Variants in TACC2 observed in about 807,000 individuals in gnomAD.
TACC2 encodes transforming acidic coiled-coil containing protein 2, also known as transforming acidic coiled-coil-containing protein 2.
Under a neutral mutation model 227.3 loss-of-function variants are expected in TACC2, and 137 were observed. The ratio of observed to expected loss-of-function variants is 0.60; its 90% CI spans 0.52 to 0.69. TACC2 has a LOEUF of 0.69. Among genes scored for constraint, TACC2 ranks in the 30% least tolerant of loss-of-function variants. The pLI is 0.00. For missense variants in TACC2, 3,470 were observed against 3,694.4 expected (o/e 0.94, Z 1.57); for synonymous variants, 1,523 against 1,487.5 (o/e 1.02, Z -0.55).
chr10:122,208,873 CT>C (rs2095214853), intron 8 of TACC2, among the ~76,000 whole-genome samples: 1 of 152,178 alleles, frequency 6.6e-6, no homozygotes, highest in South Asian at 2.1e-4. Context: ...CGTGTTTGCC[CT>C]CTTGTCCAAT....
chr10:122,163,189 C>T (rs528195494), intron 7 of TACC2, among the ~76,000 whole-genome samples: 3 of 152,138 alleles, frequency 2.0e-5, no homozygotes, highest in African/African-American at 7.2e-5. Context: ...AAAGGGCGCA[C>T]GTCTCTCCCA....
rs191565667 is a variant in TACC2 at position 122,003,306 on chromosome 10, T to G, written c.-46+13818T>G. On this transcript the variant is annotated intron_variant, in intron 1 of 22. Transcript: ENST00000369005. ...TGCCTTTAACTTTATTTTTTCTTCTTTGTGCTTTTCTTAGTTTACTTTGTT... is the reference window on the plus strand; with the variant it reads ...TGCCTTTAACTTTATTTTTTCTTCTGTGTGCTTTTCTTAGTTTACTTTGTT... Among the ~76,000 whole-genome samples, 33 of 152,320 alleles carry G rather than the reference T, an allele frequency of 2.2e-4. No individual in the cohort carries two copies. In the East Asian group the frequency reaches 6.0e-3, roughly 28 times the overall value.
intron 8 of TACC2, among the ~76,000 whole-genome samples, chr10:122,203,559 G>A (rs1335677295): frequency 1.3e-5 from 2 of 151,932 alleles, no homozygotes; most frequent in African/African-American, 4.8e-5. Flanking sequence ...CATCCCGGAT[G>A]GGGCGGCAGG....
intron 8 of TACC2, among the ~76,000 whole-genome samples, chr10:122,198,205 T>C (rs4752668): frequency 0.66 from 100,694 of 152,082 alleles, 34,410 homozygotes; most frequent in East Asian, 0.84. Context: ...AGCAGTCCCA[T>C]GAGCCTGTCC....
Position 122,171,539 on chromosome 10 carries a change from C to A in TACC2, c.5835-23501C>A, listed in dbSNP as rs550490350. Among the ~76,000 whole-genome samples the A allele has an allele frequency of 7.9e-5, 12 of 152,344 alleles. No homozygotes were observed. The South Asian group carries it at 2.5e-3, about 32-fold the overall frequency. On this transcript the variant is annotated intron_variant, in intron 7 of 22. Coordinates refer to ENST00000369005, the MANE Select transcript of TACC2 (RefSeq NM_206862.4). ...GTTCCAGAGTCTGCGGATGTTAGAA[C>A]TGGAAACATCAGGATTTTAGAAATA...
rs769496601 is a variant in TACC2, at chr10:122,210,417, C to T, written c.5992C>T (p.Pro1998Ser). 7 of 1,613,952 alleles carry T rather than the reference C, an allele frequency of 4.3e-6. No individual in the cohort carries two copies. Among genetic ancestry groups the T allele is most frequent in the Middle Eastern group, 3.3e-4 (2 of 6,060 alleles). Residue 1998 changes from proline to serine, a missense_variant, in exon 9 of 23, where the codon CCT (proline) becomes TCT (serine). Coordinates refer to ENST00000369005, the MANE Select transcript of TACC2 (RefSeq NM_206862.4). This position sits in a 1 kb window ranked among gnomAD's most constrained non-coding sequence, Gnocchi z 4.6. ...CCCAGGATGTGGTTCTGAGACAGTCCCTGTCCCTGATGGCCCACGGAGCGA... is the reference window on the plus strand; with the variant it reads ...CCCAGGATGTGGTTCTGAGACAGTCTCTGTCCCTGATGGCCCACGGAGCGA... ...EEPGCGSETV[P>S]VPDGPRSDSV...
At chr10:122,096,758 G>A (rs564463047) in intron 5 of TACC2, among the ~76,000 whole-genome samples, 1 of 151,628 alleles carries the variant, frequency 6.6e-6, no homozygotes, top group African/African-American at 2.4e-5. Flanking sequence ...GGGCAGACAT[G>A]TGGTTTTTCC....
Position 122,211,682 on chromosome 10 carries a change from C to G in TACC2, c.7257C>G (p.Ala2419=). Residue 2419 remains alanine, a synonymous_variant, in exon 9 of 23, where the codon GCC becomes GCG. Coordinates refer to ENST00000369005, the MANE Select transcript of TACC2 (RefSeq NM_206862.4). ...ACGGGGATGGGCTAAACAAGCCCGC[C>G]AAGAAGAAGAAGACGCCCCTAAAGA... ...GVDGDGLNKP[A]KKKKTPLKTD... is the part of the protein sequence containing the mutation. 6.4e-7 allele frequency: 1 copy of G among 1,564,448 alleles called. No individual in the cohort carries two copies. Among genetic ancestry groups the G allele is most frequent in the Non-Finnish European group, 8.6e-7 (1 of 1,162,256 alleles).
intron 8 of TACC2, among the ~76,000 whole-genome samples, chr10:122,201,118 C>T (rs113618755): frequency 1.0e-4 from 14 of 140,112 alleles, no homozygotes; most frequent in Non-Finnish European, 1.9e-4. Flanking sequence ...AGTGAGAGGA[C>T]GGCCACCTCA....
chr10:122,155,109 G>A (rs1413197800), intron 7 of TACC2, among the ~76,000 whole-genome samples: 1 of 152,222 alleles, frequency 6.6e-6, no homozygotes, highest in Non-Finnish European at 1.5e-5. Flanking sequence ...GAAGGACGGA[G>A]AGGCAGGGAA....
chr10:122,237,069 C>A (rs2095870942), intron 16 of TACC2, among the ~76,000 whole-genome samples: 1 of 152,196 alleles, frequency 6.6e-6, no homozygotes, highest in Non-Finnish European at 1.5e-5. Context: ...GCCCTGGGTT[C>A]TCAGGCGCTG....
rs1414893320 is a variant in TACC2, at chr10:122,012,817, A to G, written c.-45-9120A>G. On this transcript the variant is annotated intron_variant, in intron 1 of 22. Coordinates refer to ENST00000369005, the MANE Select transcript of TACC2 (RefSeq NM_206862.4). ...GAGCTGGCATCCTTGAGGGAGCACCATGTGGGGGTGCTGCAGGAATCAGTA... is the reference window on the plus strand; with the variant it reads ...GAGCTGGCATCCTTGAGGGAGCACCGTGTGGGGGTGCTGCAGGAATCAGTA... Among the ~76,000 whole-genome samples, 5 of 117,864 alleles carry G rather than the reference A, an allele frequency of 4.2e-5. No homozygotes were observed. The East Asian group carries it at 1.0e-3, about 25-fold the overall frequency. The allele number at this position is 117,864 out of a possible 152,430, so 77.3% of individuals were successfully genotyped here.
Position 122,087,034 on chromosome 10 carries a change from G to A in TACC2, c.4534G>A (p.Ala1512Thr), listed in dbSNP as rs774552350. The A allele has an allele frequency of 5.0e-6, 8 of 1,613,864 alleles. No homozygotes were observed. The East Asian group carries it at 1.8e-4, about 36-fold the overall frequency. ...GACCTGGGAGCGGAACTTGCCAGGT[G>A]CCGGTGTGGGGAAGGAGATGGCAGG... is the stretch of plus-strand genomic sequence containing the variant. ...GLTWERNLPG[A>T]GVGKEMAGVP... The change falls in exon 4 of 23, where the codon GCC becomes ACC. Residue 1512 changes from alanine (A) to threonine (T), a missense_variant. Transcript: ENST00000369005.
At chr10:122,130,935 A>T (rs1033063746) in intron 5 of TACC2, among the ~76,000 whole-genome samples, 4 of 152,092 alleles carry the variant, frequency 2.6e-5, no homozygotes, top group Admixed American at 6.6e-5. Context: ...GTGGGCCAAG[A>T]GTTCTCAGTT....
chr10:122,241,299 A>G (rs533730837), intron 18 of TACC2, among the ~76,000 whole-genome samples: 2 of 152,162 alleles, frequency 1.3e-5, no homozygotes, highest in South Asian at 4.2e-4. Flanking sequence ...TTTAATTTTT[A>G]AATTTTTTTA....
At chr10:122,107,554 A>G (rs1020018577) in intron 5 of TACC2, among the ~76,000 whole-genome samples, 1 of 152,046 alleles carries the variant, frequency 6.6e-6, no homozygotes, top group Admixed American at 6.6e-5. Context: ...ACACTGTTGC[A>G]CTCCACCCTG....
chr10:122,241,634 C>T, intron 18 of TACC2: 1 of 401,994 alleles, frequency 2.5e-6, no homozygotes, highest in South Asian at 3.8e-5. Context: ...GGCTGTGTTG[C>T]CCAAGGTGGT....
chr10:122,176,117 C>CTCTCTCTATATATATA (rs1447382017), intron 7 of TACC2, among the ~76,000 whole-genome samples: 2 of 54,642 alleles, frequency 3.7e-5, no homozygotes, highest in East Asian at 4.8e-4. Flanking sequence ...CTCTCTCTCT[C>CTCTCTCTATATATATA]TATATATATA....
intron 5 of TACC2, among the ~76,000 whole-genome samples, chr10:122,106,862 A>G (rs1316144872): frequency 1.3e-5 from 2 of 152,248 alleles, no homozygotes; most frequent in Non-Finnish European, 2.9e-5. Flanking sequence ...GGAAAGACCC[A>G]GGCCCTTTTC....
Sources: allele counts gnomAD v4.1 joint callset (sites outside exome capture counted in the v4.1 genomes callset), GRCh38; gene constraint gnomAD v4.1.1; non-coding constraint Gnocchi (gnomAD v3.1); transcripts MANE v1.5; gene names NCBI Gene and HGNC (gene_info 2026-07-23, HGNC 2026-07-21).